Variants in GSAP observed in about 807,000 individuals in gnomAD.
GSAP encodes gamma-secretase activating protein, also known as gamma-secretase-activating protein.
Under a neutral mutation model 131.7 loss-of-function variants are expected in GSAP, and 118 were observed. The ratio of observed to expected loss-of-function variants is 0.90; its 90% CI spans 0.77 to 1.04. The LOEUF (loss-of-function observed/expected upper bound fraction) is 1.04, where lower values mean the gene tolerates loss of function less well. Ranked by LOEUF, GSAP falls within the 50% of genes least tolerant of loss-of-function variation. The probability of loss-of-function intolerance (pLI) is 0.00; values close to 1 mark genes in which losing one functional copy is unlikely to be tolerated. For missense variants in GSAP, 1,019 were observed against 1,013.2 expected (o/e 1.01, Z -0.08); for synonymous variants, 381 against 363.4 (o/e 1.05, Z -0.55).
At chr7:77,392,028 C>T (rs1799628553) in intron 5 of GSAP, among the ~76,000 whole-genome samples, 1 of 152,160 alleles carries the variant, frequency 6.6e-6, no homozygotes, top group Non-Finnish European at 1.5e-5. Flanking sequence ...AGTTCGAGAC[C>T]AGCCTGGCCA....
At chr7:77,314,349 G>T in intron 27 of GSAP, 21 bp downstream of exon 27, 1 of 1,612,652 alleles carries the variant, frequency 6.2e-7, no homozygotes, top group Non-Finnish European at 8.5e-7. Context: ...CTAGCACTCT[G>T]GCAAACTCAG....
Position 77,355,787 on chromosome 7 carries a change from G to GTTTTTTTTTTTT in GSAP, c.1028-152_1028-141dup, listed in dbSNP as rs11353263. 357 of 294,442 alleles carry GTTTTTTTTTTTT rather than the reference G, an allele frequency of 1.2e-3. 5 individuals carry two copies. The highest frequency in any genetic ancestry group is 2.4e-3 in the African/African-American group (71 of 30,104). 18.2% of individuals were successfully genotyped at this position (294,442 alleles called of 1,614,324 possible). ...GTAATAAGCTATCTAATGACAGCCC[G>GTTTTTTTTTTTT]TTTTTTTTTTTTTTTTTTTAAGACA... is the stretch of plus-strand genomic sequence containing the variant. On this transcript the variant is annotated intron_variant, in intron 14 of 30. Transcript: ENST00000257626.
chr7:77,378,335 T>C (rs1376157688), intron 8 of GSAP, among the ~76,000 whole-genome samples: 1 of 151,732 alleles, frequency 6.6e-6, no homozygotes, highest in East Asian at 1.9e-4. Context: ...AATACAAAAA[T>C]TAGCCAGGCA....
chr7:77,409,402 T>G (rs1461895287), intron 1 of GSAP, among the ~76,000 whole-genome samples: 1 of 152,216 alleles, frequency 6.6e-6, no homozygotes, highest in Non-Finnish European at 1.5e-5. Flanking sequence ...GTATAAGGTA[T>G]TCCAGGCCTA....
chr7:77,381,657 C>T (rs1008699622), intron 7 of GSAP, among the ~76,000 whole-genome samples: 4 of 152,114 alleles, frequency 2.6e-5, no homozygotes, highest in African/African-American at 9.7e-5. Context: ...AAGTACTTGA[C>T]TCCCCTATAC....
At chr7:77,345,617 C>G (rs903226712) in intron 19 of GSAP, among the ~76,000 whole-genome samples, 5 of 152,186 alleles carry the variant, frequency 3.3e-5, no homozygotes, top group African/African-American at 1.2e-4. Context: ...CCCATCTTAA[C>G]TGAGCGATTA....
Position 77,337,309 on chromosome 7 carries a change from G to A in GSAP, c.1546-6942C>T, listed in dbSNP as rs528552700. The stretch of plus-strand genomic sequence containing the variant: ...CGGGGGCGGGGGTGGGGTGGGGGGG[G>A]GGTTACAGGCGTGTACCACCACACC... On this transcript the variant is annotated intron_variant, in intron 19 of 30. Coordinates refer to ENST00000257626, the MANE Select transcript of GSAP (RefSeq NM_017439.4). Among the ~76,000 whole-genome samples, 381 of 150,078 alleles carry A rather than the reference G, an allele frequency of 2.5e-3. 3 individuals carry two copies. The highest frequency in any genetic ancestry group is 4.4e-3 in the Non-Finnish European group (296 of 67,422).
At chr7:77,413,586 A>G (rs991786784) in intron 1 of GSAP, among the ~76,000 whole-genome samples, 1 of 152,268 alleles carries the variant, frequency 6.6e-6, no homozygotes, top group African/African-American at 2.4e-5. Context: ...AAATCTCACA[A>G]TATTGAGAAG....
rs550964387 is a variant in GSAP at position 77,332,348 on chromosome 7, A to G, written c.1546-1981T>C. ...ATTTTTCATAGTTTTGTTTTATTTT[A>G]AATTAACAAATAATTGTATATATTT... On this transcript the variant is annotated intron_variant, in intron 19 of 30. Transcript: ENST00000257626. Among the ~76,000 whole-genome samples the G allele has an allele frequency of 4.0e-4, 61 of 152,366 alleles. 1 individual carries two copies. Among genetic ancestry groups the G allele is most frequent in the African/African-American group, 1.4e-3 (59 of 41,588 alleles).
intron 5 of GSAP, among the ~76,000 whole-genome samples, chr7:77,391,214 A>G (rs1251277132): frequency 6.6e-6 from 1 of 151,366 alleles, no homozygotes; most frequent in African/African-American, 2.4e-5. Flanking sequence ...CCCAAAGGAG[A>G]CAGCCAGCTA....
rs570464745 is a variant in GSAP at position 77,386,366 on chromosome 7, T to G, written c.456+994A>C. On this transcript the variant is annotated intron_variant, in intron 6 of 30. Transcript: ENST00000257626. ...TCATGGCTTTTGGGACTGTAGACTTTTGACCTTTCAGGATTTCAACATTCA... is the reference window on the plus strand; with the variant it reads ...TCATGGCTTTTGGGACTGTAGACTTGTGACCTTTCAGGATTTCAACATTCA... 2.0e-5 allele frequency among the ~76,000 whole-genome samples: 3 copies of G among 152,324 alleles called. No individual in the cohort carries two copies. In the South Asian group the frequency reaches 6.2e-4, roughly 32 times the overall value.
intron 3 of GSAP, among the ~76,000 whole-genome samples, chr7:77,400,379 A>G (rs1451257670): frequency 6.6e-6 from 1 of 151,994 alleles, no homozygotes; most frequent in Non-Finnish European, 1.5e-5. Flanking sequence ...AACTTTCACT[A>G]CCATCTAATG....
chr7:77,379,094 G>A (rs570297572), intron 8 of GSAP, among the ~76,000 whole-genome samples: 32 of 152,268 alleles, frequency 2.1e-4, no homozygotes, highest in Admixed American at 3.9e-4. Flanking sequence ...AAGAGGACCT[G>A]TCTGTCTCTA....
intron 5 of GSAP, among the ~76,000 whole-genome samples, chr7:77,396,063 C>T (rs1460236990): frequency 1.3e-5 from 2 of 152,164 alleles, no homozygotes; most frequent in Non-Finnish European, 2.9e-5. Context: ...CTCCAGACTT[C>T]CCTTGATAAA....
At chr7:77,414,429 A>G (rs1434314785) in intron 1 of GSAP, among the ~76,000 whole-genome samples, 2 of 152,226 alleles carry the variant, frequency 1.3e-5, no homozygotes, top group Non-Finnish European at 2.9e-5. Context: ...ATCAGAGGTG[A>G]TAATTCTCTT....
intron 5 of GSAP, among the ~76,000 whole-genome samples, chr7:77,390,842 G>A (rs1035343616): frequency 4.7e-5 from 7 of 150,140 alleles, no homozygotes; most frequent in South Asian, 2.1e-4. Flanking sequence ...CCAGCTACCC[G>A]GGAGGCTAAG....
At chr7:77,403,840 G>C (rs552222694) in intron 3 of GSAP, among the ~76,000 whole-genome samples, 3 of 152,238 alleles carry the variant, frequency 2.0e-5, no homozygotes, top group Non-Finnish European at 4.4e-5. Flanking sequence ...TAGGATAACA[G>C]GACCAAGAGA....
intron 5 of GSAP, 86 bp from the exon 6 acceptor site, chr7:77,387,534 G>A: frequency 1.3e-6 from 1 of 755,992 alleles, no homozygotes; most frequent in East Asian, 2.5e-5. Flanking sequence ...ACAATTTCCG[G>A]TAAATCCTAC....
chr7:77,403,289 G>T (rs1396490017), intron 3 of GSAP, among the ~76,000 whole-genome samples: 1 of 152,154 alleles, frequency 6.6e-6, no homozygotes, highest in Non-Finnish European at 1.5e-5. Context: ...AACACTCAAT[G>T]CTTATTTGTT....
Sources: gnomAD v4.1 joint callset for allele counts (sites outside exome capture counted in the v4.1 genomes callset) on GRCh38, gnomAD v4.1.1 for gene constraint, MANE v1.5 for transcripts, NCBI Gene and HGNC (gene_info 2026-07-23, HGNC 2026-07-21) for gene names.